Variants in NCKAP5 observed in about 807,000 individuals in gnomAD.
NCKAP5 encodes NCK associated protein 5.
NCKAP5 carries 92 observed loss-of-function variants against 167.0 expected under a neutral mutation model. The observed-to-expected ratio is 0.55, with a 90% CI of 0.47 to 0.66. The LOEUF is 0.66. Among genes scored for constraint, NCKAP5 ranks in the 30% least tolerant of loss-of-function variants. NCKAP5 has a pLI of 0.00. For missense variants in NCKAP5, 2,378 were observed against 2,315.0 expected (o/e 1.03, Z -0.56); for synonymous variants, 891 against 877.4 (o/e 1.02, Z -0.27).
At chr2:133,193,251 T>C (rs2085304355) in intron 5 of NCKAP5, among the ~76,000 whole-genome samples, 1 of 151,960 alleles carries the variant, frequency 6.6e-6, no homozygotes, top group South Asian at 2.1e-4. Flanking sequence ...ATAAAGGGCA[T>C]GGGGAGAAGG....
rs147886978 is a variant in NCKAP5 at position 132,825,519 on chromosome 2, T to C, written c.808-28790A>G. Among the ~76,000 whole-genome samples the C allele has an allele frequency of 2.0e-5, 3 of 152,304 alleles. No homozygotes were observed. The East Asian group carries it at 5.8e-4, about 29-fold the overall frequency. ...TATTTCACATCCTCAGCAAAATCAA[T>C]AGGAATGTATTCAATAGGACAGGAC... On this transcript the variant is annotated intron_variant, in intron 11 of 19. Transcript: ENST00000409261.
intron 3 of NCKAP5, among the ~76,000 whole-genome samples, chr2:133,408,790 T>C (rs1225061613): frequency 6.6e-6 from 1 of 152,194 alleles, no homozygotes; most frequent in Non-Finnish European, 1.5e-5. Context: ...GCCCCTCTTG[T>C]GGCCCTGCCT....
At chr2:133,152,032 CAT>C in intron 5 of NCKAP5, among the ~76,000 whole-genome samples, 1 of 152,114 alleles carries the variant, frequency 6.6e-6, no homozygotes, top group Non-Finnish European at 1.5e-5. Context: ...AGATGTTCTT[CAT>C]TAGATATGAA....
chr2:133,003,509 C>T (rs1159763607), intron 6 of NCKAP5, among the ~76,000 whole-genome samples: 3 of 152,172 alleles, frequency 2.0e-5, no homozygotes, highest in East Asian at 1.9e-4. Flanking sequence ...CATCTAAGCA[C>T]GTAAGCAGGA....
At chr2:133,057,734 G>A (rs1342203421) in intron 6 of NCKAP5, among the ~76,000 whole-genome samples, 2 of 152,212 alleles carry the variant, frequency 1.3e-5, no homozygotes. Context: ...AGTGCTTTAG[G>A]TGCTTTTATA....
intron 4 of NCKAP5, among the ~76,000 whole-genome samples, chr2:133,220,240 G>C (rs1559283783): frequency 6.6e-6 from 1 of 152,142 alleles, no homozygotes; most frequent in African/African-American, 2.4e-5. Flanking sequence ...TATGAAGTGG[G>C]TATTGACTTT....
At chr2:133,652,615 TATAG>T in the NCKAP5 span, among the ~76,000 whole-genome samples, 2 of 152,248 alleles carry the variant, frequency 1.3e-5, no homozygotes, top group Admixed American at 6.5e-5. Context: ...ATTTGCTTTA[TATAG>T]CTGTCAAGCT....
intron 6 of NCKAP5, among the ~76,000 whole-genome samples, chr2:132,997,491 T>C (rs1441105305): frequency 6.6e-6 from 1 of 152,222 alleles, no homozygotes; most frequent in Non-Finnish European, 1.5e-5. Context: ...TTCATCATTA[T>C]AATTTACTTT....
chr2:132,985,983 T>C (rs990435395), intron 7 of NCKAP5, among the ~76,000 whole-genome samples: 1 of 152,194 alleles, frequency 6.6e-6, no homozygotes, highest in African/African-American at 2.4e-5. Flanking sequence ...AGATTTCTTT[T>C]CCCAGCCTGT....
intron 5 of NCKAP5, among the ~76,000 whole-genome samples, chr2:133,179,489 A>C (rs1387909363): frequency 6.6e-6 from 1 of 152,204 alleles, no homozygotes; most frequent in Non-Finnish European, 1.5e-5. Flanking sequence ...GAATGGAAAA[A>C]GACAATCAAT....
intron 7 of NCKAP5, among the ~76,000 whole-genome samples, chr2:132,986,167 C>A (rs1018563694): frequency 6.6e-6 from 1 of 152,102 alleles, no homozygotes; most frequent in African/African-American, 2.4e-5. Flanking sequence ...GATTAACTTC[C>A]AGGGTACTTA....
At chr2:133,177,183 T>TATATATAC (rs3051216) in intron 5 of NCKAP5, among the ~76,000 whole-genome samples, 26,290 of 142,016 alleles carry the variant, frequency 0.19, 3,012 homozygotes, top group East Asian at 0.51. Flanking sequence ...TATATATATA[T>TATATATAC]ATATACTCAA....
At chr2:133,071,539 A>G (rs899053770) in intron 6 of NCKAP5, among the ~76,000 whole-genome samples, 1 of 152,234 alleles carries the variant, frequency 6.6e-6, no homozygotes, top group Non-Finnish European at 1.5e-5. Flanking sequence ...CAGTCTTTAT[A>G]TTATTCTTGC....
rs1239793411 is a variant in NCKAP5 at position 133,160,437 on chromosome 2, TTC to T, written c.208-30328_208-30327del. Among the ~76,000 whole-genome samples, 250 of 114,634 alleles carry T rather than the reference TTC, an allele frequency of 2.2e-3. 5 individuals are homozygous for T. The highest frequency in any genetic ancestry group is 0.011 in the Middle Eastern group (3 of 268). 75.2% of individuals were successfully genotyped at this position (114,634 alleles called of 152,430 possible). ...TTTTTTTTTTTCTTTTCCTTTCTTT[TTC>T]TTTTTTTTTTTTTTAGCAGCGTTTA... On this transcript the variant is annotated intron_variant, in intron 5 of 19. Coordinates refer to ENST00000409261, the MANE Select transcript of NCKAP5 (RefSeq NM_207363.3).
At chr2:132,803,933 G>A (rs1423449643) in intron 11 of NCKAP5, among the ~76,000 whole-genome samples, 2 of 152,136 alleles carry the variant, frequency 1.3e-5, no homozygotes, top group African/African-American at 4.8e-5. Flanking sequence ...TAGAGTAAGG[G>A]TGCCATGTAG....
At chr2:133,312,989 T>G (rs967117658) in intron 3 of NCKAP5, among the ~76,000 whole-genome samples, 2 of 152,220 alleles carry the variant, frequency 1.3e-5, no homozygotes, top group African/African-American at 4.8e-5. Flanking sequence ...AGAAAACTAA[T>G]GCTCAGATTA....
At chr2:132,759,035 G>C (rs1680785827) in intron 16 of NCKAP5, among the ~76,000 whole-genome samples, 1 of 151,962 alleles carries the variant, frequency 6.6e-6, no homozygotes, top group African/African-American at 2.4e-5. Context: ...TCATTAATTT[G>C]CTGTTTGTTC....
At chr2:133,300,496 T>C (rs1165789786) in intron 4 of NCKAP5, among the ~76,000 whole-genome samples, 1 of 111,280 alleles carries the variant, frequency 9.0e-6, no homozygotes, top group African/African-American at 4.0e-5. Flanking sequence ...ATAAATGTAA[T>C]CCAGCATATA....
At chr2:132,992,116 C>T (rs985769739) in intron 7 of NCKAP5, among the ~76,000 whole-genome samples, 1 of 152,106 alleles carries the variant, frequency 6.6e-6, no homozygotes, top group Non-Finnish European at 1.5e-5. Flanking sequence ...ATGTAACCCA[C>T]CTCCCTTTCC....
Sources: allele counts gnomAD v4.1 joint callset (sites outside exome capture counted in the v4.1 genomes callset), GRCh38; gene constraint gnomAD v4.1.1; transcripts MANE v1.5; gene names NCBI Gene and HGNC (gene_info 2026-07-23, HGNC 2026-07-21).